Variants in MSANTD2 observed in about 807,000 individuals in gnomAD.
MSANTD2 encodes the protein myb/SANT-like DNA-binding domain-containing protein 2.
In MSANTD2, 19 loss-of-function variants were observed where a neutral mutation model predicts 52.6. The ratio of observed to expected loss-of-function variants is 0.36; its 90% CI spans 0.25 to 0.53. MSANTD2 has a LOEUF of 0.53. Among genes scored for constraint, MSANTD2 ranks in the 20% least tolerant of loss-of-function variants. The pLI, the probability that MSANTD2 is intolerant of heterozygous loss-of-function variation, is 0.91. For synonymous variants in MSANTD2, 291 were observed against 289.7 expected, an observed-to-expected ratio of 1.00 and a Z score of -0.04; for missense variants, 558 against 716.3, an observed-to-expected ratio of 0.78 and a Z score of 2.52.
chr11:124,783,340 G>A (rs1945047996), intron 1 of MSANTD2, among the ~76,000 whole-genome samples: 1 of 152,150 alleles, frequency 6.6e-6, no homozygotes, highest in South Asian at 2.1e-4. Flanking sequence ...ATAATTCAGG[G>A]CCAGGTCCAG....
At chr11:124,793,910 C>CT (rs1945413284) in intron 1 of MSANTD2, among the ~76,000 whole-genome samples, 1 of 152,068 alleles carries the variant, frequency 6.6e-6, no homozygotes, top group Non-Finnish European at 1.5e-5. Flanking sequence ...CAGGAGAATC[C>CT]TTTTACAAAG....
rs1364472232 is a variant in MSANTD2 at position 124,766,561 on chromosome 11, G to A, written c.*615C>T. 1.3e-5 allele frequency: 2 copies of A among 152,236 alleles called. No homozygotes were observed. Among genetic ancestry groups the A allele is most frequent in the African/African-American group, 4.8e-5 (2 of 41,290 alleles). The allele number at this position is 152,236 out of a possible 1,614,324, so 9.4% of individuals were successfully genotyped here. On this transcript the variant is annotated 3_prime_UTR_variant, in exon 4 of 4. Coordinates refer to ENST00000374979, the MANE Select transcript of MSANTD2 (RefSeq NM_001308027.2). The stretch of plus-strand genomic sequence containing the variant: ...GTTTAAATGGCAACACAACTGTAAA[G>A]TTGGTACATCACAGAAACAAAGGTC...
intron 1 of MSANTD2, chr11:124,792,540 T>C (rs1489406471): frequency 2.0e-5 from 3 of 152,214 alleles, no homozygotes; most frequent in African/African-American, 7.2e-5. Flanking sequence ...TACCTTTGAG[T>C]CCACCTTCAC....
chr11:124,771,770 T>C (rs1729570680), intron 3 of MSANTD2, among the ~76,000 whole-genome samples: 2 of 152,144 alleles, frequency 1.3e-5, no homozygotes, highest in African/African-American at 4.8e-5. Context: ...AAAAAACAAC[T>C]AATGTTTTCT....
Position 124,774,473 on chromosome 11 carries a change from C to A in MSANTD2, c.766+246G>T, listed in dbSNP as rs1262540056. Among the ~76,000 whole-genome samples the A allele has an allele frequency of 1.3e-5, 2 of 152,236 alleles. No homozygotes were observed. The highest frequency in any genetic ancestry group is 2.9e-5 in the Non-Finnish European group (2 of 68,008). ...GGAATCCTGCTGGTAAACAACTTGC[C>A]AAATGAACAACACCAAGCACCAGTT... is the stretch of plus-strand genomic sequence containing the variant. On this transcript the variant is annotated intron_variant, in intron 2 of 3. Transcript: ENST00000374979. The surrounding 1 kb of genome is among the most constrained non-coding windows in gnomAD (Gnocchi z 5.1).
intron 3 of MSANTD2, among the ~76,000 whole-genome samples, 187 bp downstream of exon 3, chr11:124,772,807 G>A (rs1944584983): frequency 1.3e-5 from 2 of 148,734 alleles, no homozygotes; most frequent in South Asian, 4.3e-4. Flanking sequence ...AATTACCAGT[G>A]ATGCTATGTT....
intron 1 of MSANTD2, among the ~76,000 whole-genome samples, chr11:124,794,861 G>A (rs745584016): frequency 6.6e-6 from 1 of 152,072 alleles, no homozygotes; most frequent in Non-Finnish European, 1.5e-5. Flanking sequence ...CTGGGCAGAA[G>A]ACTCTTTTAT....
At chr11:124,770,318 T>G (rs56778678) in intron 3 of MSANTD2, among the ~76,000 whole-genome samples, 57 of 138,368 alleles carry the variant, frequency 4.1e-4, no homozygotes, top group East Asian at 8.5e-4. Flanking sequence ...TTGTTTGTTT[T>G]TTTTTTTTTG....
intron 1 of MSANTD2, chr11:124,775,201 AAAC>A (rs1243224414): frequency 2.2e-5 from 10 of 461,030 alleles, no homozygotes; most frequent in East Asian, 1.5e-4. Flanking sequence ...ATTATCCATT[AAAC>A]AACAAGAAAC....
intron 1 of MSANTD2, 65 bp downstream of exon 1, chr11:124,799,806 C>A (rs565238421): frequency 7.7e-7 from 1 of 1,303,890 alleles, no homozygotes; most frequent in Non-Finnish European, 1.0e-6. Context: ...CCCCCGCCCC[C>A]GAGGCCCGCT....
chr11:124,772,865 G>T, intron 3 of MSANTD2, 129 bp downstream of exon 3: 1 of 599,936 alleles, frequency 1.7e-6, no homozygotes, highest in Non-Finnish European at 3.0e-6. Context: ...TAAATCTAAA[G>T]AATGAATAGA....
chr11:124,783,925 T>G (rs991354300), intron 1 of MSANTD2: 1 of 985,306 alleles, frequency 1.0e-6, no homozygotes, highest in Non-Finnish European at 1.2e-6. Flanking sequence ...TGAGCAGTAA[T>G]ACTTGTAAAG....
At chr11:124,796,170 C>T (rs534337) in intron 1 of MSANTD2, among the ~76,000 whole-genome samples, 39,471 of 152,022 alleles carry the variant, frequency 0.26, 5,241 homozygotes, top group South Asian at 0.36. Flanking sequence ...AATTTCAATA[C>T]TTATAATTTT....
chr11:124,787,690 A>G (rs1168487183), intron 1 of MSANTD2, among the ~76,000 whole-genome samples: 1 of 152,222 alleles, frequency 6.6e-6, no homozygotes, highest in Non-Finnish European at 1.5e-5. Flanking sequence ...AGGAGTTTAT[A>G]CCTAGGAGTA....
intron 1 of MSANTD2, chr11:124,791,551 G>A: frequency 1.7e-6 from 2 of 1,203,992 alleles, no homozygotes; most frequent in Non-Finnish European, 2.4e-6. Context: ...CAGACAGAAG[G>A]GTCACCAATG....
chr11:124,787,807 G>A (rs964406599), intron 1 of MSANTD2, among the ~76,000 whole-genome samples: 6 of 152,172 alleles, frequency 3.9e-5, no homozygotes, highest in African/African-American at 1.4e-4. Context: ...TTCCTTTATA[G>A]ATAAAAGCCA....
chr11:124,778,222 T>C (rs1007923265), intron 1 of MSANTD2, among the ~76,000 whole-genome samples: 1 of 152,200 alleles, frequency 6.6e-6, no homozygotes, highest in Non-Finnish European at 1.5e-5. Flanking sequence ...GAACCTCAAT[T>C]TGGCTTTCTT....
chr11:124,798,016 GCT>G (rs1201679822), intron 1 of MSANTD2, among the ~76,000 whole-genome samples: 2 of 152,062 alleles, frequency 1.3e-5, no homozygotes, highest in Admixed American at 1.3e-4. Context: ...AATCAATCAA[GCT>G]GAAACAGTTT....
At position 124,768,003 on chromosome 11, in the gene MSANTD2, CA is replaced by C; in HGVS notation, c.852del (p.Ile284MetfsTer10). 1 of 1,607,876 alleles carries C rather than the reference CA, an allele frequency of 6.2e-7. No individual in the cohort carries two copies. Among genetic ancestry groups the C allele is most frequent in the Non-Finnish European group, 8.5e-7 (1 of 1,175,294 alleles). On this transcript the variant is annotated frameshift_variant, in exon 4 of 4. Coordinates refer to ENST00000374979, the MANE Select transcript of MSANTD2 (RefSeq NM_001308027.2). LOFTEE classifies it high-confidence loss of function. ...AACTGTACCGATTCCAAAATCTGTA[CA>C]ATATTCTGCATGATGTCTCTCTTCC... ...EAQKRDIMQNIVQILESVQLK... is the reference protein window; with the variant it reads ...EAQKRDIMQNXVQILESVQLK...
Sources: allele counts gnomAD v4.1 joint callset (sites outside exome capture counted in the v4.1 genomes callset), GRCh38; gene constraint gnomAD v4.1.1; non-coding constraint Gnocchi (gnomAD v3.1); transcripts MANE v1.5; gene names NCBI Gene and HGNC (gene_info 2026-07-23, HGNC 2026-07-21).